Variants in NUGGC observed in about 807,000 individuals in gnomAD.
The protein encoded by NUGGC is nuclear GTPase SLIP-GC.
Under a neutral mutation model 92.6 loss-of-function variants are expected in NUGGC, and 58 were observed. That is an observed-to-expected ratio of 0.63 (90% CI 0.51 to 0.78). NUGGC has a LOEUF of 0.78. Ranked by LOEUF, NUGGC falls within the 30% of genes least tolerant of loss-of-function variation. The pLI, the probability that NUGGC is intolerant of heterozygous loss-of-function variation, is 0.00. For missense variants in NUGGC, 925 were observed against 964.6 expected (o/e 0.96, Z 0.54); for synonymous variants, 376 against 366.4 (o/e 1.03, Z -0.30).
intron 13 of NUGGC, among the ~76,000 whole-genome samples, chr8:28,034,050 T>A (rs1809491237): frequency 1.3e-5 from 2 of 152,248 alleles, no homozygotes; most frequent in Non-Finnish European, 2.9e-5. Flanking sequence ...CATCTGGGAA[T>A]AACTTAAGTA....
intron 10 of NUGGC, among the ~76,000 whole-genome samples, chr8:28,050,414 AGG>A (rs1809965380): frequency 1.3e-5 from 2 of 151,966 alleles, no homozygotes. Flanking sequence ...AGGAAAAGAA[AGG>A]AAAGGAAAGG....
At chr8:28,037,918 A>G (rs1809596777) in intron 13 of NUGGC, among the ~76,000 whole-genome samples, 1 of 152,180 alleles carries the variant, frequency 6.6e-6, no homozygotes, top group Admixed American at 6.5e-5. Flanking sequence ...CCCTCACAAC[A>G]AAGCATGATC....
chr8:28,083,438 C>T lies in NUGGC; in HGVS notation c.-47+337G>A, dbSNP rs60209525. ...AAAACAAGGAAAGTCTGAGAAACAA[C>T]GCTACAGCTAAGAGGAGCCTAAGGG... is the stretch of plus-strand genomic sequence containing the variant. On this transcript the variant is annotated intron_variant, in intron 1 of 18. Transcript: ENST00000413272. Among the ~76,000 whole-genome samples the T allele has an allele frequency of 3.7e-4, 57 of 152,286 alleles. No individual in the cohort carries two copies. In the East Asian group the frequency reaches 0.01, roughly 27 times the overall value.
chr8:28,053,045 G>C (rs886844570), intron 10 of NUGGC, among the ~76,000 whole-genome samples: 1 of 151,854 alleles, frequency 6.6e-6, no homozygotes, highest in Admixed American at 6.6e-5. Context: ...GTTGTGTTTT[G>C]ATACTGAGGT....
chr8:28,070,064 C>A (rs1386898957), intron 3 of NUGGC, 188 bp downstream of exon 3: 1 of 978,632 alleles, frequency 1.0e-6, no homozygotes, highest in Non-Finnish European at 1.2e-6. Context: ...AACCCTCCTG[C>A]CCACAGATGC....
intron 10 of NUGGC, among the ~76,000 whole-genome samples, chr8:28,052,578 A>C (rs1424564644): frequency 6.6e-6 from 1 of 152,210 alleles, no homozygotes; most frequent in East Asian, 1.9e-4. Context: ...TACCAGAAGC[A>C]AGCAGACAGA....
intron 2 of NUGGC, among the ~76,000 whole-genome samples, chr8:28,073,736 G>A (rs576144487): frequency 2.0e-5 from 3 of 152,192 alleles, no homozygotes; most frequent in East Asian, 1.9e-4. Flanking sequence ...GCCGCCTAAC[G>A]TCATTCCAGG....
At chr8:28,055,201 C>A (rs1810101929) in intron 10 of NUGGC, among the ~76,000 whole-genome samples, 1 of 151,982 alleles carries the variant, frequency 6.6e-6, no homozygotes, top group South Asian at 2.1e-4. Context: ...TGCAGTGAGC[C>A]GAGTTTGTCC....
At chr8:28,067,107 A>G (rs935721621) in intron 6 of NUGGC, among the ~76,000 whole-genome samples, 9 of 152,212 alleles carry the variant, frequency 5.9e-5, no homozygotes, top group African/African-American at 1.2e-4. Context: ...ACGGAAGGCA[A>G]AGGGAGCCAG....
intron 13 of NUGGC, among the ~76,000 whole-genome samples, chr8:28,039,128 C>G (rs1200127531): frequency 6.6e-6 from 1 of 152,202 alleles, no homozygotes; most frequent in Non-Finnish European, 1.5e-5. Context: ...CCCAACTTAT[C>G]TCCTCCTTTA....
chr8:28,083,127 A>G (rs1411326780), intron 1 of NUGGC, among the ~76,000 whole-genome samples: 2 of 152,172 alleles, frequency 1.3e-5, no homozygotes, highest in African/African-American at 4.8e-5. Flanking sequence ...GCTTCTTTCC[A>G]AAGAGAACAC....
At chr8:28,062,220 A>G (rs1406022916) in intron 7 of NUGGC, among the ~76,000 whole-genome samples, 4 of 152,190 alleles carry the variant, frequency 2.6e-5, no homozygotes, top group Non-Finnish European at 5.9e-5. Flanking sequence ...CCACACGACG[A>G]TGGATCCTGT....
intron 10 of NUGGC, among the ~76,000 whole-genome samples, chr8:28,054,150 AT>A (rs920124328): frequency 9.9e-5 from 15 of 152,234 alleles, no homozygotes; most frequent in Admixed American, 4.6e-4. Context: ...TGTTGTTTAT[AT>A]TTTATCTTAA....
chr8:28,041,369 T>C (rs376229467), intron 12 of NUGGC, among the ~76,000 whole-genome samples, 154 bp from the exon 13 acceptor site: 1 of 152,218 alleles, frequency 6.6e-6, no homozygotes, highest in Middle Eastern at 3.2e-3. Context: ...CCTCACTCAG[T>C]GCACAGACCC....
chr8:28,074,326 A>G (rs1390972965), intron 2 of NUGGC, 42 bp downstream of exon 2: 1 of 1,348,806 alleles, frequency 7.4e-7, no homozygotes, highest in African/African-American at 1.4e-5. Context: ...ATCAGTAATC[A>G]GTTCCTATAT....
chr8:28,068,118 G>A, intron 5 of NUGGC, 98 bp downstream of exon 5: 3 of 692,846 alleles, frequency 4.3e-6, no homozygotes, highest in Non-Finnish European at 7.5e-6. Flanking sequence ...GGAGGGAAGA[G>A]GAAGGAAGGA....
intron 5 of NUGGC, 104 bp downstream of exon 5, chr8:28,068,112 G>A (rs1353690505): frequency 7.5e-6 from 5 of 665,628 alleles, no homozygotes; most frequent in South Asian, 3.8e-5. Context: ...AGAGAGGGAG[G>A]GAAGAGGAAG....
chr8:28,063,415 TG>T (rs761166719), intron 7 of NUGGC, among the ~76,000 whole-genome samples: 1 of 152,208 alleles, frequency 6.6e-6, no homozygotes, highest in Non-Finnish European at 1.5e-5. Flanking sequence ...CGGCCGGGCC[TG>T]GAACTAGCCA....
At chr8:28,024,180 C>T (rs1315473174) in intron 18 of NUGGC, among the ~76,000 whole-genome samples, 1 of 151,136 alleles carries the variant, frequency 6.6e-6, no homozygotes, top group African/African-American at 2.4e-5. Flanking sequence ...ACCACCTCGC[C>T]TAGCTAAATT....
Sources: gnomAD v4.1 joint callset for allele counts (sites outside exome capture counted in the v4.1 genomes callset) on GRCh38, gnomAD v4.1.1 for gene constraint, MANE v1.5 for transcripts, NCBI Gene and HGNC (gene_info 2026-07-23, HGNC 2026-07-21) for gene names.